Variants in PRKN observed in about 807,000 individuals in gnomAD.
The protein encoded by PRKN is E3 ubiquitin-protein ligase parkin.
In PRKN, 56 loss-of-function variants were observed where a neutral mutation model predicts 59.5. The observed-to-expected ratio is 0.94, with a 90% CI of 0.76 to 1.18. PRKN has a LOEUF of 1.18. Among genes scored for constraint, PRKN ranks in the 50% most tolerant of loss-of-function variants. PRKN has a pLI of 0.00. For missense variants in PRKN, 657 were observed against 596.4 expected (o/e 1.10, Z -1.06); for synonymous variants, 250 against 222.1 (o/e 1.13, Z -1.12).
intron 2 of PRKN, among the ~76,000 whole-genome samples, chr6:162,324,952 T>G (rs765847637): frequency 6.6e-6 from 1 of 151,644 alleles, no homozygotes; most frequent in Admixed American, 6.6e-5. Context: ...AAAACAAAAT[T>G]ACTACTGTTG....
chr6:162,209,913 C>T, intron 3 of PRKN, among the ~76,000 whole-genome samples: 1 of 150,772 alleles, frequency 6.6e-6, no homozygotes, highest in Middle Eastern at 3.2e-3. Context: ...ACAATGAGAA[C>T]ACTTGGATGC....
chr6:161,687,344 G>A (rs1453033118), intron 7 of PRKN, among the ~76,000 whole-genome samples: 4 of 118,780 alleles, frequency 3.4e-5, no homozygotes, highest in African/African-American at 1.4e-4. Flanking sequence ...AGCCGAGATC[G>A]CACCACTGCA....
chr6:161,540,346 G>A (rs139121006), intron 9 of PRKN, among the ~76,000 whole-genome samples: 53 of 151,858 alleles, frequency 3.5e-4, no homozygotes, highest in African/African-American at 1.2e-3. Flanking sequence ...ATTAACCCTT[G>A]GAAGAAGAGT....
At chr6:162,091,372 A>G (rs1779488761) in intron 4 of PRKN, among the ~76,000 whole-genome samples, 1 of 152,182 alleles carries the variant, frequency 6.6e-6, no homozygotes, top group African/African-American at 2.4e-5. Flanking sequence ...TACTTCTCCC[A>G]TTTGGTTTAA....
chr6:161,957,432 G>GT (rs759971034), intron 6 of PRKN, among the ~76,000 whole-genome samples: 10 of 112,934 alleles, frequency 8.9e-5, no homozygotes, highest in African/African-American at 3.4e-4. Flanking sequence ...TTGTTTGTTT[G>GT]TTTGTTTTTT....
intron 3 of PRKN, among the ~76,000 whole-genome samples, chr6:162,248,203 T>C (rs1562611986): frequency 6.6e-6 from 1 of 152,198 alleles, no homozygotes; most frequent in Non-Finnish European, 1.5e-5. Flanking sequence ...TGAAATGTTA[T>C]GCACAGAAAT....
chr6:162,635,072 A>C (rs1260086013), intron 1 of PRKN, among the ~76,000 whole-genome samples: 1 of 152,212 alleles, frequency 6.6e-6, no homozygotes, highest in East Asian at 1.9e-4. Flanking sequence ...CCTATACCAA[A>C]GAACAAAGTA....
At position 161,538,321 on chromosome 6, in the gene PRKN, C is replaced by T. The variant is rs1341679051; in HGVS notation, c.1083+10533G>A. Among the ~76,000 whole-genome samples, 1 of 152,140 alleles carries T rather than the reference C, an allele frequency of 6.6e-6. No individual in the cohort carries two copies. Among genetic ancestry groups the T allele is most frequent in the African/African-American group, 2.4e-5 (1 of 41,436 alleles). On this transcript the variant is annotated intron_variant, in intron 9 of 11. Coordinates refer to ENST00000366898, the MANE Select transcript of PRKN (RefSeq NM_004562.3). The surrounding 1 kb of genome is among the most constrained non-coding windows in gnomAD (Gnocchi z 4.2). ...GGCCTTACCCATGGCCTTGTAGTTACTTGATATTTTTCTTCTCCTTGAAAA... is the reference window on the plus strand; with the variant it reads ...GGCCTTACCCATGGCCTTGTAGTTATTTGATATTTTTCTTCTCCTTGAAAA...
intron 4 of PRKN, among the ~76,000 whole-genome samples, chr6:162,100,652 G>C (rs940557678): frequency 4.6e-5 from 7 of 151,976 alleles, no homozygotes; most frequent in Admixed American, 1.3e-4. Context: ...ATTTTGGCCA[G>C]GCTGCTCTCA....
At chr6:162,641,967 A>C in intron 1 of PRKN, among the ~76,000 whole-genome samples, 1 of 152,134 alleles carries the variant, frequency 6.6e-6, no homozygotes, top group South Asian at 2.1e-4. Flanking sequence ...AGCTCTCCAC[A>C]CTCATTATTC....
At chr6:162,248,298 C>T (rs1427565980) in intron 3 of PRKN, among the ~76,000 whole-genome samples, 6 of 152,124 alleles carry the variant, frequency 3.9e-5, no homozygotes, top group East Asian at 1.9e-4. Context: ...TCTTACTCTC[C>T]GGAGAAACAT....
chr6:162,220,146 G>A (rs1379929454), intron 3 of PRKN, among the ~76,000 whole-genome samples: 1 of 151,946 alleles, frequency 6.6e-6, no homozygotes, highest in Non-Finnish European at 1.5e-5. Context: ...TTCCTATACA[G>A]AAAAATACCT....
intron 4 of PRKN, among the ~76,000 whole-genome samples, chr6:162,059,314 T>A (rs1778000123): frequency 1.4e-5 from 1 of 73,426 alleles, no homozygotes; most frequent in Admixed American, 1.8e-4. Flanking sequence ...AATCTGGGAC[T>A]TTAACACAGT....
chr6:162,654,855 A>T (rs1778582884), intron 1 of PRKN, among the ~76,000 whole-genome samples: 1 of 151,892 alleles, frequency 6.6e-6, no homozygotes, highest in African/African-American at 2.4e-5. Context: ...TGGGGGGGGA[A>T]ATCCCCCTAT....
rs1302938293 is a variant in PRKN, at chr6:161,711,441, G to A, written c.871+74331C>T. On this transcript the variant is annotated intron_variant, in intron 7 of 11. Coordinates refer to ENST00000366898, the MANE Select transcript of PRKN (RefSeq NM_004562.3). ...TACAGAATGTGTCAGAAGAGAAGTC[G>A]TCATATGTGGAAAAGAGGTTTAACT... 2.6e-5 allele frequency among the ~76,000 whole-genome samples: 4 copies of A among 152,146 alleles called. No individual in the cohort carries two copies. In the East Asian group the frequency reaches 5.8e-4, roughly 22 times the overall value.
intron 7 of PRKN, among the ~76,000 whole-genome samples, chr6:161,631,689 T>A (rs115554008): frequency 0.033 from 4,952 of 152,250 alleles, 136 homozygotes; most frequent in South Asian, 0.073. Context: ...TTGCTATCTG[T>A]AGTTAGAGGA....
intron 6 of PRKN, among the ~76,000 whole-genome samples, chr6:161,827,272 T>C (rs535640149): frequency 1.3e-5 from 2 of 152,268 alleles, no homozygotes; most frequent in South Asian, 4.1e-4. Flanking sequence ...CATGTTGTTT[T>C]CCTCTCAGAT....
rs139877651 is a variant in PRKN at position 161,636,870 on chromosome 6, C to T, written c.872-67454G>A. ...AAAGGCAGGAGGAGGGATGACCGGC[C>T]GCACGTCAACAGCTGTAAGCACACT... is the stretch of plus-strand genomic sequence containing the variant. On this transcript the variant is annotated intron_variant, in intron 7 of 11. Coordinates refer to ENST00000366898, the MANE Select transcript of PRKN (RefSeq NM_004562.3). 5.9e-5 allele frequency among the ~76,000 whole-genome samples: 9 copies of T among 152,224 alleles called. No homozygotes were observed. The East Asian group carries it at 9.7e-4, about 16-fold the overall frequency.
rs1040724167 is a variant in PRKN at position 161,631,319 on chromosome 6, G to A, written c.872-61903C>T. Among the ~76,000 whole-genome samples the A allele has an allele frequency of 4.6e-5, 7 of 152,192 alleles. No homozygotes were observed. The South Asian group carries it at 1.2e-3, about 27-fold the overall frequency. The stretch of plus-strand genomic sequence containing the variant: ...CATTTAACATCTGCAAAGCACTAGA[G>A]TACCAATAAGCTCTACAAGACCCGA... On this transcript the variant is annotated intron_variant, in intron 7 of 11. Transcript: ENST00000366898.
Sources: gnomAD v4.1 joint callset for allele counts (sites outside exome capture counted in the v4.1 genomes callset) on GRCh38, gnomAD v4.1.1 for gene constraint, Gnocchi (gnomAD v3.1) non-coding constraint, MANE v1.5 for transcripts, NCBI Gene and HGNC (gene_info 2026-07-23, HGNC 2026-07-21) for gene names.